The following UIMC1 variants were observed in gnomAD, a reference collection of about 807,000 sequenced individuals.
The protein encoded by UIMC1 is ubiquitin interaction motif containing 1.
A neutral mutation model predicts 84.9 loss-of-function variants in UIMC1; 42 were observed. The ratio of observed to expected loss-of-function variants is 0.49; its 90% CI spans 0.39 to 0.64. The LOEUF is 0.64. UIMC1 is among the 30% of genes least tolerant of loss of function. UIMC1 has a pLI of 0.00. For synonymous variants in UIMC1, 281 were observed against 293.0 expected (o/e 0.96, Z 0.42); for missense variants, 825 against 847.6 (o/e 0.97, Z 0.33).
At chr5:176,907,055 G>A (rs2149384847) in intron 13 of UIMC1, 59 bp downstream of exon 13, 2 of 1,554,702 alleles carry the variant, frequency 1.3e-6, no homozygotes, top group African/African-American at 2.7e-5. Flanking sequence ...GCTGGCAATG[G>A]CTATCTTCAC....
At chr5:176,931,458 G>GA (rs1763070744) in intron 10 of UIMC1, among the ~76,000 whole-genome samples, 1 of 152,210 alleles carries the variant, frequency 6.6e-6, no homozygotes, top group Admixed American at 6.5e-5. Context: ...AAATCCTGAG[G>GA]TGGGGGGCTC....
At chr5:176,914,027 T>C (rs1314773025) in intron 10 of UIMC1, among the ~76,000 whole-genome samples, 1 of 140,612 alleles carries the variant, frequency 7.1e-6, no homozygotes, top group African/African-American at 2.6e-5. Context: ...CCATACACCA[T>C]ACCATACCAT....
intron 1 of UIMC1, among the ~76,000 whole-genome samples, chr5:177,018,941 C>A (rs908373565): frequency 1.3e-5 from 2 of 152,158 alleles, no homozygotes; most frequent in African/African-American, 4.8e-5. Context: ...GTGGGTTCTG[C>A]GACTTCGACA....
rs558223904 is a variant in UIMC1 at position 176,938,951 on chromosome 5, T to TAAAA, written c.1597+4380_1597+4383dup. On this transcript the variant is annotated intron_variant, in intron 10 of 14. Transcript: ENST00000511320. ...AAGCTTCATAAGGCCTAGCACCATT[T>TAAAA]AAAAAAAAAAAAAGTGCAATGCCAG... Among the ~76,000 whole-genome samples, 1,329 of 144,072 alleles carry TAAAA rather than the reference T, an allele frequency of 9.2e-3. 6 individuals are homozygous for TAAAA. The highest frequency in any genetic ancestry group is 0.026 in the South Asian group (117 of 4,570). The allele number at this position is 144,072 out of a possible 152,430, so 94.5% of individuals were successfully genotyped here.
In UIMC1 at chr5:176,905,352, T is replaced by C; in HGVS notation, c.2090A>G (p.Lys697Arg). ...ACTACCTGGCTGGACAGTAACTTGCTTTTTAAAGTCCACTAAGCAATCTGT... is the reference window on the plus strand; with the variant it reads ...ACTACCTGGCTGGACAGTAACTTGCCTTTTAAAGTCCACTAAGCAATCTGT... ...EATDCLVDFK[K>R]QVTVQPGSRT... Residue 697 changes from lysine (K) to arginine (R), a missense_variant, in exon 15 of 15, where the codon AAG becomes AGG. By Grantham distance (26) the Lys-to-Arg change is conservative (BLOSUM62 2). Transcript: ENST00000511320. 6.2e-7 allele frequency: 1 copy of C among 1,614,194 alleles called. No individual in the cohort carries two copies. The highest frequency in any genetic ancestry group is 8.5e-7 in the Non-Finnish European group (1 of 1,180,008).
At chr5:177,012,407 T>C (rs538245211) in intron 1 of UIMC1, among the ~76,000 whole-genome samples, 4 of 152,244 alleles carry the variant, frequency 2.6e-5, no homozygotes, top group South Asian at 2.1e-4. Flanking sequence ...ACTTCGAAAC[T>C]GACTTCAGGG....
At chr5:176,950,406 A>T (rs1295275713) in intron 9 of UIMC1, among the ~76,000 whole-genome samples, 3 of 151,692 alleles carry the variant, frequency 2.0e-5, no homozygotes, top group African/African-American at 7.3e-5. Context: ...CCAAAAAGGA[A>T]CCTTTCTTAC....
intron 10 of UIMC1, among the ~76,000 whole-genome samples, chr5:176,916,460 C>T (rs147196175): frequency 4.4e-4 from 67 of 152,354 alleles, no homozygotes; most frequent in Non-Finnish European, 9.1e-4. Flanking sequence ...GAAGGGCACT[C>T]ACTGGCTTTA....
At chr5:177,015,141 C>T (rs934850815) in intron 1 of UIMC1, among the ~76,000 whole-genome samples, 1 of 152,140 alleles carries the variant, frequency 6.6e-6, no homozygotes, top group South Asian at 2.1e-4. Context: ...CTACCATTTA[C>T]TATGTGCCAA....
rs763781339 is a variant in UIMC1 at position 176,906,061 on chromosome 5, G to T, written c.1913-14C>A. On this transcript the variant is annotated splice_polypyrimidine_tract_variant and intron_variant, in intron 13 of 14. Transcript: ENST00000511320. ...TGATGTCTGCATCTGTGATATAAAAGAAAAAATAATAATGTTGGTAGTAGT... is the reference window on the plus strand; with the variant it reads ...TGATGTCTGCATCTGTGATATAAAATAAAAAATAATAATGTTGGTAGTAGT... 4.3e-6 allele frequency: 7 copies of T among 1,612,822 alleles called. No individual in the cohort carries two copies. Among genetic ancestry groups the T allele is most frequent in the Non-Finnish European group, 5.9e-6 (7 of 1,179,482 alleles).
intron 11 of UIMC1, among the ~76,000 whole-genome samples, chr5:176,909,617 G>A (rs1379896484): frequency 1.3e-5 from 2 of 152,160 alleles, no homozygotes; most frequent in East Asian, 3.9e-4. Flanking sequence ...AGTAACTACA[G>A]CAAGGGAGAC....
At chr5:176,991,582 G>C (rs1233893402) in intron 1 of UIMC1, among the ~76,000 whole-genome samples, 1 of 150,030 alleles carries the variant, frequency 6.7e-6, no homozygotes, top group African/African-American at 2.5e-5. Context: ...GCCAGGCATG[G>C]TGGCACTATT....
At chr5:176,979,546 T>C (rs1770689706) in intron 2 of UIMC1, among the ~76,000 whole-genome samples, 1 of 150,098 alleles carries the variant, frequency 6.7e-6, no homozygotes, top group African/African-American at 2.5e-5. Context: ...GACGTCGCAG[T>C]GAGCCGAGAT....
intron 9 of UIMC1, among the ~76,000 whole-genome samples, chr5:176,947,753 G>T (rs1026134211): frequency 2.0e-5 from 3 of 151,720 alleles, no homozygotes; most frequent in Admixed American, 6.6e-5. Context: ...GGGAGGTGGA[G>T]CTTGCAGAGC....
chr5:176,912,882 G>A (rs1198954244), intron 10 of UIMC1, among the ~76,000 whole-genome samples: 2 of 152,126 alleles, frequency 1.3e-5, no homozygotes, highest in Non-Finnish European at 2.9e-5. Flanking sequence ...TAGCCAGGCT[G>A]GTCTCAAACT....
At chr5:176,940,751 CAT>C (rs1231606586) in intron 10 of UIMC1, among the ~76,000 whole-genome samples, 1 of 152,172 alleles carries the variant, frequency 6.6e-6, no homozygotes, top group Non-Finnish European at 1.5e-5. Flanking sequence ...AAATCTCTGA[CAT>C]AGTAATTTCA....
intron 13 of UIMC1, among the ~76,000 whole-genome samples, chr5:176,906,480 G>C (rs1236582189): frequency 1.3e-5 from 2 of 152,208 alleles, no homozygotes; most frequent in African/African-American, 4.8e-5. Flanking sequence ...CCAGGCTTAA[G>C]CAAAAGCTCC....
intron 1 of UIMC1, among the ~76,000 whole-genome samples, chr5:176,995,943 C>T (rs552276470): frequency 6.6e-6 from 1 of 151,988 alleles, no homozygotes; most frequent in Non-Finnish European, 1.5e-5. Context: ...ACTACATTAC[C>T]CAGCCATTTC....
Position 176,972,400 on chromosome 5 carries a change from C to CA in UIMC1, c.233-1535dup, listed in dbSNP as rs1205115435. The stretch of plus-strand genomic sequence containing the variant: ...TAGGCAACAGAGTGAGACTCCGTCT[C>CA]AAAAAAAAAAAAAAATCAATTCTAC... On this transcript the variant is annotated intron_variant, in intron 3 of 14. Coordinates refer to ENST00000511320, the MANE Select transcript of UIMC1 (RefSeq NM_001199298.2). 3.2e-3 allele frequency among the ~76,000 whole-genome samples: 337 copies of CA among 106,662 alleles called. 1 individual carries two copies. The highest frequency in any genetic ancestry group is 0.011 in the Middle Eastern group (2 of 186). 70.0% of individuals were successfully genotyped at this position (106,662 alleles called of 152,430 possible).
Sources: gnomAD v4.1 joint callset for allele counts (sites outside exome capture counted in the v4.1 genomes callset) on GRCh38, gnomAD v4.1.1 for gene constraint, MANE v1.5 for transcripts, NCBI Gene and HGNC (gene_info 2026-07-23, HGNC 2026-07-21) for gene names.